NRG3: variants seen among roughly 807,000 people sequenced by gnomAD.
NRG3 encodes pro-neuregulin-3, membrane-bound isoform.
Under a neutral mutation model 66.9 loss-of-function variants are expected in NRG3, and 31 were observed. The observed-to-expected ratio is 0.46, with a 90% CI of 0.35 to 0.63. The LOEUF is 0.63. Ranked by LOEUF, NRG3 falls within the 20% of genes least tolerant of loss-of-function variation. The probability of loss-of-function intolerance (pLI) is 0.00; values close to 1 mark genes in which losing one functional copy is unlikely to be tolerated. For missense variants in NRG3, 910 were observed against 878.9 expected (o/e 1.04, Z -0.45); for synonymous variants, 393 against 359.4 (o/e 1.09, Z -1.06).
intron 1 of NRG3, among the ~76,000 whole-genome samples, chr10:82,047,378 C>G (rs2063351032): frequency 6.6e-6 from 1 of 152,014 alleles, no homozygotes; most frequent in Admixed American, 6.6e-5. Context: ...CAAAGGGAAG[C>G]CCATCAGACT....
intron 1 of NRG3, among the ~76,000 whole-genome samples, chr10:82,228,587 T>G (rs1223990402): frequency 1.3e-5 from 2 of 152,078 alleles, no homozygotes; most frequent in African/African-American, 2.4e-5. Context: ...CTGGATATGG[T>G]GTAAGGACAA....
At chr10:82,864,574 TG>T (rs1341012727) in intron 3 of NRG3, among the ~76,000 whole-genome samples, 2 of 152,158 alleles carry the variant, frequency 1.3e-5, no homozygotes, top group Admixed American at 1.3e-4. Flanking sequence ...TAAAAGTGAA[TG>T]AGTGAATAAC....
At chr10:82,005,987 C>T (rs2061365656) in intron 1 of NRG3, among the ~76,000 whole-genome samples, 1 of 150,984 alleles carries the variant, frequency 6.6e-6, no homozygotes, top group African/African-American at 2.4e-5. Context: ...GTTTTTTTAG[C>T]ATACAAACTT....
intron 2 of NRG3, among the ~76,000 whole-genome samples, chr10:82,382,974 G>A (rs1185527776): frequency 1.3e-5 from 2 of 151,860 alleles, no homozygotes; most frequent in Non-Finnish European, 2.9e-5. Flanking sequence ...ATTCATTAGT[G>A]AGATTGGCCT....
intron 1 of NRG3, among the ~76,000 whole-genome samples, chr10:82,258,791 A>G (rs12244404): frequency 0.12 from 18,406 of 152,126 alleles, 2,441 homozygotes; most frequent in African/African-American, 0.32. Context: ...GAGGTGTGAA[A>G]TGCCAGTCTT....
At chr10:82,083,167 A>G (rs1440698879) in intron 1 of NRG3, among the ~76,000 whole-genome samples, 1 of 152,118 alleles carries the variant, frequency 6.6e-6, no homozygotes, top group African/African-American at 2.4e-5. Flanking sequence ...GATGATGTAC[A>G]GTAGCACTGT....
intron 1 of NRG3, among the ~76,000 whole-genome samples, chr10:82,216,611 T>G (rs201235913): frequency 5.3e-5 from 4 of 75,110 alleles, no homozygotes; most frequent in Admixed American, 1.5e-4. Context: ...TATATATAGA[T>G]ATATATATAT....
chr10:82,944,010 T>G (rs1848790905), intron 4 of NRG3, among the ~76,000 whole-genome samples: 1 of 152,170 alleles, frequency 6.6e-6, no homozygotes, highest in Non-Finnish European at 1.5e-5. Flanking sequence ...TGACCAAAAT[T>G]AAAGTCAAAT....
chr10:82,937,307 T>G (rs1299004578), intron 4 of NRG3, among the ~76,000 whole-genome samples: 2 of 152,172 alleles, frequency 1.3e-5, no homozygotes, highest in Non-Finnish European at 1.5e-5. Flanking sequence ...CATTTAATCT[T>G]CCAGTGACCC....
At chr10:82,074,502 T>C (rs1295902333) in intron 1 of NRG3, among the ~76,000 whole-genome samples, 2 of 152,200 alleles carry the variant, frequency 1.3e-5, no homozygotes, top group Admixed American at 6.5e-5. Context: ...ACAGCAGTAT[T>C]GGAAGCAGAA....
intron 1 of NRG3, among the ~76,000 whole-genome samples, chr10:82,223,704 C>T (rs1458748661): frequency 1.3e-5 from 2 of 150,850 alleles, no homozygotes; most frequent in African/African-American, 4.9e-5. Flanking sequence ...CCACGTTCTT[C>T]TGGATGCCCC....
At chr10:81,982,390 C>G (rs1292182256) in intron 1 of NRG3, among the ~76,000 whole-genome samples, 1 of 152,224 alleles carries the variant, frequency 6.6e-6, no homozygotes, top group Admixed American at 6.5e-5. Context: ...TAAGCTTCCT[C>G]TAATCTGTGC....
rs191767881 is a variant in NRG3 at position 82,051,911 on chromosome 10, C to T, written c.823+175748C>T. ...TATGGCAATACACACCTTTCCCCACCAATTGTTCTTTAAAGCATTGTGAGT... is the reference window on the plus strand; with the variant it reads ...TATGGCAATACACACCTTTCCCCACTAATTGTTCTTTAAAGCATTGTGAGT... On this transcript the variant is annotated intron_variant, in intron 1 of 8. Coordinates refer to ENST00000372141, the MANE Select transcript of NRG3 (RefSeq NM_001010848.4). Among the ~76,000 whole-genome samples the T allele has an allele frequency of 5.3e-5, 8 of 152,176 alleles. No homozygotes were observed. The East Asian group carries it at 1.4e-3, about 26-fold the overall frequency.
chr10:82,613,848 C>G lies in NRG3; in HGVS notation c.954-124729C>G, dbSNP rs2048468742. 6.9e-5 allele frequency among the ~76,000 whole-genome samples: 8 copies of G among 115,656 alleles called. No homozygotes were observed. The South Asian group carries it at 2.9e-3, about 41-fold the overall frequency. 75.9% of individuals were successfully genotyped at this position (115,656 alleles called of 152,430 possible). A position where few individuals can be genotyped will look rare whatever the true frequency, so the allele number is the denominator to read the frequency against. ...GCTATCCCTCCCCCCTCCCCCCACC[C>G]CACAACAGTCCCCAGAGTGTGATGT... On this transcript the variant is annotated intron_variant, in intron 2 of 8. Transcript: ENST00000372141.
intron 2 of NRG3, among the ~76,000 whole-genome samples, chr10:82,576,933 A>G (rs1229903346): frequency 6.6e-6 from 1 of 151,770 alleles, no homozygotes; most frequent in Non-Finnish European, 1.5e-5. Context: ...AGTGACACCT[A>G]TATCTTCAAT....
intron 6 of NRG3, among the ~76,000 whole-genome samples, chr10:82,963,597 G>A (rs558388947): frequency 3.0e-4 from 46 of 152,066 alleles, no homozygotes; most frequent in Non-Finnish European, 5.3e-4. Flanking sequence ...GGAGAATTAC[G>A]TGAACCCAGG....
At chr10:82,551,905 G>T (rs1235674506) in intron 2 of NRG3, among the ~76,000 whole-genome samples, 1 of 151,842 alleles carries the variant, frequency 6.6e-6, no homozygotes, top group Non-Finnish European at 1.5e-5. Flanking sequence ...TATGTCTTTT[G>T]TGTCTTTTTT....
rs147330062 is a variant in NRG3, at chr10:82,805,068, T to C, written c.1028-60343T>C. On this transcript the variant is annotated intron_variant, in intron 3 of 8. Coordinates refer to ENST00000372141, the MANE Select transcript of NRG3 (RefSeq NM_001010848.4). ...TAGTCAGTGCTATTCAAATGTATTA[T>C]GCACACAAATCCCCTGATGAACCTG... Among the ~76,000 whole-genome samples, 1,323 of 152,368 alleles carry C rather than the reference T, an allele frequency of 8.7e-3. 8 individuals carry two copies. Among genetic ancestry groups the C allele is most frequent in the Non-Finnish European group, 0.013 (918 of 68,030 alleles).
chr10:82,043,073 T>C (rs546358572), intron 1 of NRG3, among the ~76,000 whole-genome samples: 1 of 152,146 alleles, frequency 6.6e-6, no homozygotes, highest in African/African-American at 2.4e-5. Flanking sequence ...GCAGTGTCAC[T>C]GGTCCCTGGG....
Sources: gnomAD v4.1 joint callset for allele counts (sites outside exome capture counted in the v4.1 genomes callset) on GRCh38, gnomAD v4.1.1 for gene constraint, MANE v1.5 for transcripts, NCBI Gene and HGNC (gene_info 2026-07-23, HGNC 2026-07-21) for gene names.